SGCD: variants seen among roughly 807,000 people sequenced by gnomAD.
SGCD encodes delta-sarcoglycan.
SGCD carries 18 observed loss-of-function variants against 36.6 expected under a neutral mutation model. The ratio of observed to expected loss-of-function variants is 0.49; its 90% CI spans 0.34 to 0.73. The LOEUF (loss-of-function observed/expected upper bound fraction) is 0.73, where lower values mean the gene tolerates loss of function less well. Among genes scored for constraint, SGCD ranks in the 30% least tolerant of loss-of-function variants. The pLI is 0.01. For synonymous variants in SGCD, 133 were observed against 130.6 expected, an observed-to-expected ratio of 1.02 and a Z score of -0.12; for missense variants, 387 against 346.7, an observed-to-expected ratio of 1.12 and a Z score of -0.92.
chr5:156,210,034 T>C (rs548649072), intron 3 of SGCD, among the ~76,000 whole-genome samples: 1 of 152,054 alleles, frequency 6.6e-6, no homozygotes, highest in Non-Finnish European at 1.5e-5. Context: ...GGCTTCAGAT[T>C]TGCCCTTGTG....
At chr5:156,072,892 C>A (rs1225856540) in intron 1 of SGCD, among the ~76,000 whole-genome samples, 1 of 152,170 alleles carries the variant, frequency 6.6e-6, no homozygotes, top group East Asian at 1.9e-4. Flanking sequence ...CATCTTCCAT[C>A]ACTGACACCC....
At chr5:156,474,037 C>A (rs1366378768) in intron 3 of SGCD, among the ~76,000 whole-genome samples, 1 of 150,574 alleles carries the variant, frequency 6.6e-6, no homozygotes, top group Non-Finnish European at 1.5e-5. Context: ...AGATAATTTT[C>A]CCCAGCCCCT....
intron 7 of SGCD, among the ~76,000 whole-genome samples, chr5:156,699,575 TCAAA>T (rs1306256271): frequency 4.0e-4 from 61 of 152,228 alleles, no homozygotes; most frequent in Admixed American, 3.9e-3. Flanking sequence ...CTTGTTCTTC[TCAAA>T]CAAAGGACTA....
chr5:156,480,933 GGGA>G (rs1029012497), intron 3 of SGCD, among the ~76,000 whole-genome samples: 1 of 152,164 alleles, frequency 6.6e-6, no homozygotes, highest in Non-Finnish European at 1.5e-5. Flanking sequence ...AGAATTTGGT[GGGA>G]GGAGTGCTAT....
At chr5:156,423,758 G>A (rs1773537022) in intron 3 of SGCD, among the ~76,000 whole-genome samples, 1 of 151,826 alleles carries the variant, frequency 6.6e-6, no homozygotes, top group African/African-American at 2.4e-5. Context: ...TCCATGCTTT[G>A]TGTATGTCTT....
chr5:156,034,261 T>A (rs1280366746), intron 1 of SGCD, among the ~76,000 whole-genome samples: 1 of 152,220 alleles, frequency 6.6e-6, no homozygotes, highest in Non-Finnish European at 1.5e-5. Context: ...AGGGATTTGC[T>A]CTGAATTCTG....
At chr5:156,152,836 A>G (rs1762863061) in intron 3 of SGCD, among the ~76,000 whole-genome samples, 1 of 151,600 alleles carries the variant, frequency 6.6e-6, no homozygotes, top group Non-Finnish European at 1.5e-5. Flanking sequence ...GTATCCTTTG[A>G]CCAATCAATC....
the SGCD span, among the ~76,000 whole-genome samples, chr5:155,831,102 C>A: frequency 2.6e-5 from 4 of 152,182 alleles, no homozygotes; most frequent in Admixed American, 2.6e-4. Flanking sequence ...ATAATTTACT[C>A]AAAGTCAATC....
chr5:156,726,556 C>G (rs888907354), intron 7 of SGCD, among the ~76,000 whole-genome samples: 2 of 152,178 alleles, frequency 1.3e-5, no homozygotes, highest in Non-Finnish European at 2.9e-5. Flanking sequence ...TTTCTTCAGC[C>G]AACAAGGTTC....
At chr5:156,227,697 G>A (rs1764893241) in intron 3 of SGCD, among the ~76,000 whole-genome samples, 1 of 151,788 alleles carries the variant, frequency 6.6e-6, no homozygotes, top group African/African-American at 2.4e-5. Context: ...GGATTGATTT[G>A]TTCTTGTTTC....
chr5:155,882,156 T>G (rs1441443716), intron 1 of SGCD, among the ~76,000 whole-genome samples: 4 of 152,246 alleles, frequency 2.6e-5, no homozygotes, highest in Admixed American at 2.6e-4. Flanking sequence ...TTCCCCTGGC[T>G]GGAGTGCACT....
intron 6 of SGCD, among the ~76,000 whole-genome samples, chr5:156,605,305 GT>G (rs1158916346): frequency 6.6e-6 from 1 of 152,050 alleles, no homozygotes; most frequent in Non-Finnish European, 1.5e-5. Flanking sequence ...GCAGTGTTTG[GT>G]TTTTTGTCCT....
chr5:155,880,885 T>A (rs760160677), intron 1 of SGCD, among the ~76,000 whole-genome samples: 1 of 152,144 alleles, frequency 6.6e-6, no homozygotes, highest in African/African-American at 2.4e-5. Flanking sequence ...CTGGTGTTTT[T>A]ATTTCAAAAT....
chr5:156,078,722 C>A (rs1426321876), intron 1 of SGCD, among the ~76,000 whole-genome samples: 1 of 149,926 alleles, frequency 6.7e-6, no homozygotes, highest in Non-Finnish European at 1.5e-5. Context: ...AGTTCCCTTG[C>A]ATACTTTGCT....
At chr5:156,476,027 G>C (rs1466268098) in intron 3 of SGCD, among the ~76,000 whole-genome samples, 1 of 152,184 alleles carries the variant, frequency 6.6e-6, no homozygotes, top group African/African-American at 2.4e-5. Flanking sequence ...CCGTGGCTGA[G>C]GGTAACAGTC....
intron 3 of SGCD, among the ~76,000 whole-genome samples, chr5:156,136,976 A>G (rs190984404): frequency 6.6e-6 from 1 of 152,254 alleles, no homozygotes; most frequent in Non-Finnish European, 1.5e-5. Flanking sequence ...AAGGTCTTAA[A>G]ATTGGGAACT....
At chr5:155,991,767 T>C (rs1758436304) in intron 1 of SGCD, among the ~76,000 whole-genome samples, 1 of 152,214 alleles carries the variant, frequency 6.6e-6, no homozygotes, top group Non-Finnish European at 1.5e-5. Flanking sequence ...GGTATATTTG[T>C]CATTATTTTC....
At chr5:156,425,910 G>A (rs990820556) in intron 3 of SGCD, among the ~76,000 whole-genome samples, 1 of 152,036 alleles carries the variant, frequency 6.6e-6, no homozygotes, top group East Asian at 1.9e-4. Context: ...TTATGGCTGA[G>A]TAGTATTCCA....
intron 3 of SGCD, among the ~76,000 whole-genome samples, chr5:156,373,657 T>A (rs1243307940): frequency 6.6e-6 from 1 of 152,230 alleles, no homozygotes; most frequent in African/African-American, 2.4e-5. Flanking sequence ...TAATAATGTT[T>A]AAAATTCACA....
Sources: allele counts gnomAD v4.1 joint callset (sites outside exome capture counted in the v4.1 genomes callset), GRCh38; gene constraint gnomAD v4.1.1; transcripts MANE v1.5; gene names NCBI Gene and HGNC (gene_info 2026-07-23, HGNC 2026-07-21).